The following SLCO6A1 variants were observed in gnomAD, a reference collection of about 807,000 sequenced individuals.
SLCO6A1 encodes the protein solute carrier organic anion transporter family member 6A1, also known as cancer/testis antigen 48.
SLCO6A1 carries 65 observed loss-of-function variants against 72.7 expected under a neutral mutation model. The ratio of observed to expected loss-of-function variants is 0.89; its 90% confidence interval spans 0.73 to 1.10. The LOEUF (loss-of-function observed/expected upper bound fraction) is 1.10. Ranked by LOEUF, SLCO6A1 falls within the 50% of genes least tolerant of loss-of-function variation. The pLI is 0.00. For missense variants in SLCO6A1, 874 were observed against 872.6 expected (o/e 1.00, Z -0.02); for synonymous variants, 314 against 298.2 (o/e 1.05, Z -0.55).
In SLCO6A1 at chr5:102,419,892, A is replaced by G. The variant is rs777391822; in HGVS notation, c.1406T>C (p.Leu469Pro). ...MVTSVISLIL[L>P]VFIIFVRCNP... ...ACAGCGTACAAAAATAATAAACACA[A>G]GCAGTATAAGTGATATCACAGATGT... is the stretch of plus-strand genomic sequence containing the variant. Residue 469 changes from leucine (L) to proline (P), a missense_variant, in exon 8 of 14, where the codon CTT (leucine) becomes CCT (proline). Leu to Pro is a moderately conservative substitution (Grantham distance 98, BLOSUM62 -3). Coordinates refer to ENST00000506729, the MANE Select transcript of SLCO6A1 (RefSeq NM_173488.5). 2.5e-6 allele frequency: 4 copies of G among 1,607,494 alleles called. No homozygotes were observed. The highest frequency in any genetic ancestry group is 2.2e-5 in the South Asian group (2 of 89,118).
In SLCO6A1 at chr5:102,419,813, A is replaced by G. The variant is rs1467154322; in HGVS notation, c.1472+13T>C. On this transcript the variant is annotated intron_variant, in intron 8 of 13. Transcript: ENST00000506729. ...TTTTGATGTAAAAGTCTAATATACA[A>G]GACTACATTTACCCATCATAATCTT... The G allele has an allele frequency of 6.3e-7, 1 of 1,578,058 alleles. No individual in the cohort carries two copies. Among genetic ancestry groups the G allele is most frequent in the East Asian group, 2.3e-5 (1 of 43,784 alleles).
chr5:102,417,733 C>A (rs1158838710), intron 8 of SLCO6A1, among the ~76,000 whole-genome samples: 1 of 152,064 alleles, frequency 6.6e-6, no homozygotes, highest in African/African-American at 2.4e-5. Flanking sequence ...CATCTGGTAT[C>A]ATTTATTTCT....
rs112594979 is a variant in SLCO6A1 at position 102,458,218 on chromosome 5, T to C, written c.1131+164A>G. ...TATACATATGTAACTAACCGGCACG[T>C]TGTGCACATGTACCCTAAAACTTAA... On this transcript the variant is annotated intron_variant, in intron 6 of 13. Coordinates refer to ENST00000506729, the MANE Select transcript of SLCO6A1 (RefSeq NM_173488.5). 2.2e-3 allele frequency among the ~76,000 whole-genome samples: 330 copies of C among 152,178 alleles called. 3 individuals are homozygous for C. The highest frequency in any genetic ancestry group is 7.2e-3 in the African/African-American group (300 of 41,506).
intron 6 of SLCO6A1, among the ~76,000 whole-genome samples, chr5:102,453,349 A>G (rs529001241): frequency 1.3e-4 from 20 of 151,170 alleles, no homozygotes; most frequent in Non-Finnish European, 2.4e-4. Context: ...AAAAAAAAAA[A>G]AAAAGAAAGA....
intron 5 of SLCO6A1, among the ~76,000 whole-genome samples, chr5:102,459,249 C>A (rs1371804667): frequency 2.6e-5 from 4 of 151,932 alleles, no homozygotes; most frequent in Non-Finnish European, 5.9e-5. Context: ...ATCTCTAGAA[C>A]AAAAAGGAAA....
intron 1 of SLCO6A1, among the ~76,000 whole-genome samples, chr5:102,493,153 C>T (rs1752759780): frequency 7.8e-6 from 1 of 128,390 alleles, no homozygotes; most frequent in Non-Finnish European, 1.7e-5. Flanking sequence ...GGAAAAACAT[C>T]CCAATTAATT....
intron 9 of SLCO6A1, among the ~76,000 whole-genome samples, chr5:102,403,254 C>T (rs1747494159): frequency 6.6e-6 from 1 of 152,070 alleles, no homozygotes. Context: ...TTTTCTTACC[C>T]AAATGTACTG....
chr5:102,387,215 T>C (rs994574561), intron 12 of SLCO6A1, among the ~76,000 whole-genome samples: 1 of 152,206 alleles, frequency 6.6e-6, no homozygotes, highest in Non-Finnish European at 1.5e-5. Context: ...TTTTGAGTCA[T>C]ATAACCAATG....
intron 1 of SLCO6A1, 133 bp downstream of exon 1, chr5:102,498,354 A>G (rs1244045980): frequency 3.8e-6 from 3 of 792,244 alleles, no homozygotes; most frequent in Non-Finnish European, 6.0e-6. Context: ...GAAGTCAGAA[A>G]GCAGCCTCAG....
chr5:102,411,124 G>T (rs941659588), intron 9 of SLCO6A1, among the ~76,000 whole-genome samples: 13 of 152,042 alleles, frequency 8.6e-5, no homozygotes, highest in African/African-American at 1.7e-4. Flanking sequence ...ATAGGGGAAG[G>T]TTCTCTCAGG....
intron 9 of SLCO6A1, among the ~76,000 whole-genome samples, chr5:102,401,379 G>A (rs1415031090): frequency 6.6e-6 from 1 of 152,026 alleles, no homozygotes; most frequent in Non-Finnish European, 1.5e-5. Context: ...AAGAACTTTG[G>A]TTTTTATTTT....
intron 9 of SLCO6A1, among the ~76,000 whole-genome samples, chr5:102,412,667 G>C (rs992308785): frequency 6.6e-6 from 1 of 151,962 alleles, no homozygotes; most frequent in African/African-American, 2.4e-5. Context: ...AGGCTGAGGT[G>C]GGAGGATGGC....
intron 11 of SLCO6A1, 47 bp downstream of exon 11, chr5:102,390,934 T>C (rs1248437450): frequency 4.7e-6 from 7 of 1,487,702 alleles, no homozygotes; most frequent in East Asian, 2.3e-5. Flanking sequence ...CATATATACA[T>C]ATCAAAAAAC....
intron 9 of SLCO6A1, among the ~76,000 whole-genome samples, chr5:102,404,280 G>C (rs1747551562): frequency 6.6e-6 from 1 of 152,182 alleles, no homozygotes; most frequent in Non-Finnish European, 1.5e-5. Context: ...TGGATCACAA[G>C]GTCAGGAGAT....
chr5:102,416,995 C>A (rs1580386130), intron 8 of SLCO6A1, among the ~76,000 whole-genome samples: 1 of 152,226 alleles, frequency 6.6e-6, no homozygotes, highest in Middle Eastern at 3.4e-3. Flanking sequence ...TAAATGTCTT[C>A]ATTTCTCCTT....
At chr5:102,372,482 TA>T (rs1024581427) in intron 13 of SLCO6A1, among the ~76,000 whole-genome samples, 3 of 151,694 alleles carry the variant, frequency 2.0e-5, no homozygotes, top group East Asian at 1.9e-4. Flanking sequence ...CAATAATGTA[TA>T]AAAAATTATA....
At chr5:102,418,030 T>C (rs948058095) in intron 8 of SLCO6A1, among the ~76,000 whole-genome samples, 2 of 152,100 alleles carry the variant, frequency 1.3e-5, no homozygotes, top group African/African-American at 4.8e-5. Flanking sequence ...CGTCTAAAAT[T>C]ATTTCTCCTT....
intron 6 of SLCO6A1, among the ~76,000 whole-genome samples, chr5:102,457,676 T>C (rs1561478180): frequency 6.6e-6 from 1 of 152,128 alleles, no homozygotes; most frequent in African/African-American, 2.4e-5. Flanking sequence ...AGTTCAACCA[T>C]TGCGGAAGTC....
intron 12 of SLCO6A1, among the ~76,000 whole-genome samples, chr5:102,382,756 A>AT (rs1311571321): frequency 7.3e-5 from 11 of 150,842 alleles, no homozygotes; most frequent in Non-Finnish European, 1.2e-4. Flanking sequence ...ATAAATGGGA[A>AT]TTTTTTTTGA....
Sources: allele counts gnomAD v4.1 joint callset (sites outside exome capture counted in the v4.1 genomes callset), GRCh38; gene constraint gnomAD v4.1.1; transcripts MANE v1.5; gene names NCBI Gene and HGNC (gene_info 2026-07-23, HGNC 2026-07-21).